FAM13B: variants seen among roughly 807,000 people sequenced by gnomAD.
The protein encoded by FAM13B is family with sequence similarity 13 member B, also known as protein FAM13B.
Under a neutral mutation model 117.3 loss-of-function variants are expected in FAM13B, and 60 were observed. That is an observed-to-expected ratio of 0.51 (90% CI 0.42 to 0.63). The LOEUF is 0.63. Among genes scored for constraint, FAM13B ranks in the 30% least tolerant of loss-of-function variants. The pLI, the probability that FAM13B is intolerant of heterozygous loss-of-function variation, is 0.00. For synonymous variants in FAM13B, 332 were observed against 356.1 expected (o/e 0.93, Z 0.76); for missense variants, 972 against 1,091.9 (o/e 0.89, Z 1.55).
At chr5:138,007,494 T>A (rs2150848681) in intron 6 of FAM13B, among the ~76,000 whole-genome samples, 1 of 152,340 alleles carries the variant, frequency 6.6e-6, no homozygotes, top group South Asian at 2.1e-4. Flanking sequence ...ATGTAACACT[T>A]ACAACAGACT....
chr5:138,008,645 T>C (rs1013653032), intron 6 of FAM13B, among the ~76,000 whole-genome samples: 3 of 152,234 alleles, frequency 2.0e-5, no homozygotes, highest in African/African-American at 7.2e-5. Context: ...TTCAGCAATG[T>C]CTATACATAA....
At chr5:137,946,178 GTTC>G (rs1413688904) in intron 19 of FAM13B, 47 bp downstream of exon 19, 8 of 1,487,010 alleles carry the variant, frequency 5.4e-6, no homozygotes, top group Non-Finnish European at 7.4e-6. Flanking sequence ...ATTGATTCAT[GTTC>G]TTTTTTAAGA....
intron 1 of FAM13B, among the ~76,000 whole-genome samples, chr5:138,024,453 T>C (rs1787634764): frequency 6.6e-6 from 1 of 152,066 alleles, no homozygotes. Context: ...ACACTTCCTT[T>C]TGGGCTTCTA....
chr5:137,951,673 T>A (rs1166443244), intron 17 of FAM13B, among the ~76,000 whole-genome samples: 5 of 151,892 alleles, frequency 3.3e-5, no homozygotes, highest in East Asian at 1.9e-4. Context: ...AAATAAAAAA[T>A]ATATATTTTT....
At position 137,962,663 on chromosome 5, in the gene FAM13B, T is replaced by A. The variant is rs534284727; in HGVS notation, c.1180-194A>T. Among the ~76,000 whole-genome samples the A allele has an allele frequency of 2.0e-5, 3 of 152,322 alleles. No individual in the cohort carries two copies. The South Asian group carries it at 6.2e-4, about 32-fold the overall frequency. ...ATCTTCCCTCAAAACCTGGGTCATA[T>A]GAAGTATAGCAGGTACTCTGCATTT... On this transcript the variant is annotated intron_variant, in intron 10 of 23. Coordinates refer to ENST00000689681, the MANE Select transcript of FAM13B (RefSeq NM_001385994.1).
chr5:138,008,941 G>A (rs780121823), intron 6 of FAM13B, among the ~76,000 whole-genome samples: 13 of 152,138 alleles, frequency 8.5e-5, no homozygotes, highest in African/African-American at 2.2e-4. Flanking sequence ...GCAGAAGATC[G>A]AGACCAGCCT....
intron 17 of FAM13B, among the ~76,000 whole-genome samples, chr5:137,950,727 T>C (rs957800368): frequency 2.0e-5 from 3 of 152,038 alleles, no homozygotes; most frequent in Admixed American, 1.3e-4. Flanking sequence ...GCAGACGGAC[T>C]ACAGAGCAGT....
At chr5:138,009,432 A>C (rs1357162875) in intron 6 of FAM13B, among the ~76,000 whole-genome samples, 1 of 152,144 alleles carries the variant, frequency 6.6e-6, no homozygotes, top group Non-Finnish European at 1.5e-5. Flanking sequence ...TAACTAGTGA[A>C]AGTTGAGAGG....
At chr5:138,019,214 A>G (rs1356333167) in intron 2 of FAM13B, 68 bp from the exon 3 acceptor site, 1 of 1,386,888 alleles carries the variant, frequency 7.2e-7, no homozygotes, top group Non-Finnish European at 9.8e-7. Flanking sequence ...TAGATACATT[A>G]AAGAAAAATG....
At chr5:138,029,029 G>GA (rs56854678) in intron 1 of FAM13B, among the ~76,000 whole-genome samples, 35 of 148,734 alleles carry the variant, frequency 2.4e-4, no homozygotes, top group East Asian at 2.2e-3. Flanking sequence ...TCAAAAAAAA[G>GA]AAAAAAAAAA....
In FAM13B at chr5:137,939,705, T is replaced by G; in HGVS notation, c.*520A>C. On this transcript the variant is annotated 3_prime_UTR_variant, in exon 24 of 24. Coordinates refer to ENST00000689681, the MANE Select transcript of FAM13B (RefSeq NM_001385994.1). ...ACAGAAAGGTGTTCCATAGTACGAC[T>G]TGAAATCTCAGTTTGATTTTGGTTT... The G allele has an allele frequency of 4.1e-6, 1 of 245,790 alleles. No homozygotes were observed. Among genetic ancestry groups the G allele is most frequent in the Non-Finnish European group, 6.9e-6 (1 of 144,034 alleles). The allele number at this position is 245,790 out of a possible 1,614,324, so 15.2% of individuals were successfully genotyped here.
intron 7 of FAM13B, among the ~76,000 whole-genome samples, chr5:137,991,205 A>T (rs1581191337): frequency 6.6e-6 from 1 of 152,258 alleles, no homozygotes; most frequent in East Asian, 1.9e-4. Context: ...ATATTTGCAG[A>T]ATTATTTTTA....
intron 17 of FAM13B, among the ~76,000 whole-genome samples, chr5:137,951,525 A>G (rs1401126369): frequency 2.6e-5 from 4 of 151,962 alleles, no homozygotes; most frequent in Admixed American, 2.6e-4. Context: ...TGGGTGTGGC[A>G]GTGCATGTCT....
At chr5:137,940,492 G>C (rs1761365058) in intron 23 of FAM13B, 144 bp from the exon 24 acceptor site, 1 of 603,342 alleles carries the variant, frequency 1.7e-6, no homozygotes, top group Non-Finnish European at 2.9e-6. Context: ...AAAGGTTATT[G>C]AACTAATACC....
chr5:138,019,979 T>C (rs375808051), intron 2 of FAM13B: 5 of 978,574 alleles, frequency 5.1e-6, no homozygotes. Flanking sequence ...GCACCCGGCC[T>C]GTAATACATT....
At chr5:138,047,842 C>G (rs1051729240) in intron 1 of FAM13B, among the ~76,000 whole-genome samples, 1 of 152,320 alleles carries the variant, frequency 6.6e-6, no homozygotes, top group African/African-American at 2.4e-5. Context: ...TCCTATAGAC[C>G]CCTAGATATT....
chr5:138,012,207 C>G (rs1192488988), intron 4 of FAM13B, among the ~76,000 whole-genome samples: 1 of 143,206 alleles, frequency 7.0e-6, no homozygotes, highest in African/African-American at 2.6e-5. Flanking sequence ...ACTCATTGGC[C>G]CCAATTCTCT....
intron 3 of FAM13B, 82 bp downstream of exon 3, chr5:138,018,873 A>G: frequency 8.3e-7 from 1 of 1,210,670 alleles, no homozygotes; most frequent in East Asian, 2.4e-5. Context: ...ATTAAAAAAA[A>G]AAATTAAAAA....
chr5:137,977,677 C>G (rs1175245163), intron 10 of FAM13B, among the ~76,000 whole-genome samples: 1 of 152,104 alleles, frequency 6.6e-6, no homozygotes, highest in Non-Finnish European at 1.5e-5. Context: ...CCATGCCTGG[C>G]CTTCTCTTTC....
Sources: gnomAD v4.1 joint callset for allele counts (sites outside exome capture counted in the v4.1 genomes callset) on GRCh38, gnomAD v4.1.1 for gene constraint, MANE v1.5 for transcripts, NCBI Gene and HGNC (gene_info 2026-07-23, HGNC 2026-07-21) for gene names.